Variants in FHIT observed in about 807,000 individuals in gnomAD.
FHIT encodes the protein bis(5'-adenosyl)-triphosphatase.
In FHIT, 19 loss-of-function variants were observed where a neutral mutation model predicts 17.9. The observed-to-expected ratio is 1.06, with a 90% CI of 0.74 to 1.56. The LOEUF (loss-of-function observed/expected upper bound fraction) is 1.56. Ranked by LOEUF, FHIT falls within the 40% of genes most tolerant of loss-of-function variation. FHIT has a pLI of 0.00. For synonymous variants in FHIT, 81 were observed against 69.7 expected (o/e 1.16, Z -0.81); for missense variants, 248 against 189.2 (o/e 1.31, Z -1.82).
chr3:60,568,285 TG>T (rs2037214904), intron 4 of FHIT, among the ~76,000 whole-genome samples: 2 of 152,172 alleles, frequency 1.3e-5, no homozygotes, highest in Non-Finnish European at 2.9e-5. Context: ...CCATAAAAAA[TG>T]ATGAGTTCAT....
chr3:61,050,832 C>T (rs577657404), intron 2 of FHIT, among the ~76,000 whole-genome samples: 1 of 152,256 alleles, frequency 6.6e-6, no homozygotes, highest in Admixed American at 6.5e-5. Context: ...TGGACCAGCC[C>T]TTTCACTTCC....
In FHIT at chr3:60,335,003, C is replaced by T. The variant is rs1441746009; in HGVS notation, c.103+201857G>A. On this transcript the variant is annotated intron_variant, in intron 5 of 9. Coordinates refer to ENST00000492590, the MANE Select transcript of FHIT (RefSeq NM_002012.4). ...ATGTACCCAACAAAACTTCCTTTTT[C>T]AAAATTTGCTTTAAATGGACAAAAT... Among the ~76,000 whole-genome samples the T allele has an allele frequency of 3.3e-5, 5 of 152,176 alleles. No individual in the cohort carries two copies. In the South Asian group the frequency reaches 6.2e-4, roughly 19 times the overall value.
chr3:60,837,536 A>T (rs1192613573), intron 3 of FHIT, among the ~76,000 whole-genome samples: 1 of 152,260 alleles, frequency 6.6e-6, no homozygotes, highest in Middle Eastern at 3.4e-3. Flanking sequence ...GTTGGGTCAT[A>T]TTTTTTAAAC....
At chr3:60,309,329 G>C (rs1447717632) in intron 5 of FHIT, among the ~76,000 whole-genome samples, 1 of 151,908 alleles carries the variant, frequency 6.6e-6, no homozygotes, top group Non-Finnish European at 1.5e-5. Context: ...GAGGACAAGA[G>C]ACCCCCATTT....
At position 60,341,258 on chromosome 3, in the gene FHIT, C is replaced by A. The variant is rs139059513; in HGVS notation, c.103+195602G>T. On this transcript the variant is annotated intron_variant, in intron 5 of 9. Coordinates refer to ENST00000492590, the MANE Select transcript of FHIT (RefSeq NM_002012.4). ...GTTTGTAAGGTATACCTATATTAAG[C>A]CTCATCGTTGCATGTATTATTTTGT... Among the ~76,000 whole-genome samples, 1,260 of 152,196 alleles carry A rather than the reference C, an allele frequency of 8.3e-3. 17 individuals carry two copies. Among genetic ancestry groups the A allele is most frequent in the African/African-American group, 0.029 (1,197 of 41,526 alleles).
intron 8 of FHIT, among the ~76,000 whole-genome samples, chr3:59,921,792 C>T (rs1247046602): frequency 3.0e-4 from 45 of 152,202 alleles, no homozygotes; most frequent in Non-Finnish European, 2.1e-4. Context: ...AGTGGTTTCA[C>T]ACTTGTATCT....
At chr3:60,672,292 C>G (rs1405766986) in intron 4 of FHIT, among the ~76,000 whole-genome samples, 2 of 151,456 alleles carry the variant, frequency 1.3e-5, no homozygotes, top group Admixed American at 1.3e-4. Flanking sequence ...GGGCTGAGTC[C>G]AAAAAGAGAG....
At chr3:61,125,141 C>T (rs1382676627) in intron 2 of FHIT, among the ~76,000 whole-genome samples, 1 of 152,076 alleles carries the variant, frequency 6.6e-6, no homozygotes, top group African/African-American at 2.4e-5. Context: ...AAATGATTCA[C>T]GGAAGAATGG....
intron 7 of FHIT, among the ~76,000 whole-genome samples, chr3:59,984,768 C>T (rs1011582865): frequency 2.6e-5 from 4 of 152,064 alleles, no homozygotes; most frequent in African/African-American, 9.7e-5. Context: ...TGGGCATACA[C>T]TGAGGGACAA....
intron 4 of FHIT, among the ~76,000 whole-genome samples, chr3:60,589,260 G>T (rs535587157): frequency 1.3e-5 from 2 of 152,090 alleles, no homozygotes; most frequent in Admixed American, 1.3e-4. Context: ...AGCACGTGGA[G>T]TGAAAAGTGA....
chr3:60,808,481 A>G (rs551027024), intron 4 of FHIT, among the ~76,000 whole-genome samples: 48 of 152,270 alleles, frequency 3.2e-4, no homozygotes, highest in African/African-American at 1.2e-3. Context: ...ACCCCATATT[A>G]TATCAGATAT....
intron 5 of FHIT, among the ~76,000 whole-genome samples, chr3:60,444,467 G>A (rs1294524441): frequency 2.0e-5 from 3 of 152,106 alleles, no homozygotes; most frequent in African/African-American, 7.2e-5. Flanking sequence ...ATGATAGACT[G>A]GATTAAGAAA....
chr3:60,325,078 C>A (rs1188811912), intron 5 of FHIT, among the ~76,000 whole-genome samples: 1 of 149,670 alleles, frequency 6.7e-6, no homozygotes, highest in East Asian at 1.9e-4. Flanking sequence ...CAGGTCAACA[C>A]TTCACAGCAA....
chr3:60,464,530 G>A (rs1397707722), intron 5 of FHIT, among the ~76,000 whole-genome samples: 1 of 151,572 alleles, frequency 6.6e-6, no homozygotes, highest in African/African-American at 2.4e-5. Flanking sequence ...CCAGCTTCTG[G>A]TAACAATCCT....
intron 5 of FHIT, among the ~76,000 whole-genome samples, chr3:60,353,156 C>G (rs1018102285): frequency 6.6e-6 from 1 of 152,142 alleles, no homozygotes; most frequent in Admixed American, 6.5e-5. Flanking sequence ...ACCCCTTCTT[C>G]AGACTTAACC....
intron 4 of FHIT, among the ~76,000 whole-genome samples, chr3:60,790,856 C>G (rs1700754753): frequency 6.6e-6 from 1 of 152,128 alleles, no homozygotes; most frequent in South Asian, 2.1e-4. Flanking sequence ...ACAAATGTGT[C>G]AATCCAATGC....
At chr3:61,006,517 T>C (rs1196337620) in intron 3 of FHIT, among the ~76,000 whole-genome samples, 1 of 152,108 alleles carries the variant, frequency 6.6e-6, no homozygotes, top group Admixed American at 6.5e-5. Context: ...TTACCAACTT[T>C]TATGTATAAA....
intron 2 of FHIT, among the ~76,000 whole-genome samples, chr3:61,196,243 T>C (rs911983665): frequency 3.9e-5 from 6 of 152,154 alleles, no homozygotes; most frequent in Non-Finnish European, 8.8e-5. Flanking sequence ...AAAGAAGGCA[T>C]AGATGTTGCA....
At chr3:61,198,008 C>G (rs2038903084) in intron 2 of FHIT, among the ~76,000 whole-genome samples, 1 of 152,004 alleles carries the variant, frequency 6.6e-6, no homozygotes, top group Non-Finnish European at 1.5e-5. Flanking sequence ...TTTTTGTAAT[C>G]TACTGCAAAA....
Sources: allele counts gnomAD v4.1 joint callset (sites outside exome capture counted in the v4.1 genomes callset), GRCh38; gene constraint gnomAD v4.1.1; transcripts MANE v1.5; gene names NCBI Gene and HGNC (gene_info 2026-07-23, HGNC 2026-07-21).